Variants in C12orf42 observed in about 807,000 individuals in gnomAD.
The protein encoded by C12orf42 is chromosome 12 open reading frame 42.
Under a neutral mutation model 21.6 loss-of-function variants are expected in C12orf42, and 25 were observed. That is an observed-to-expected ratio of 1.16 (90% CI 0.84 to 1.62). The LOEUF (loss-of-function observed/expected upper bound fraction) is 1.62, where lower values mean the gene tolerates loss of function less well. Among genes scored for constraint, C12orf42 ranks in the 40% most tolerant of loss-of-function variants. The pLI is 0.00. For synonymous variants in C12orf42, 174 were observed against 175.0 expected, an observed-to-expected ratio of 0.99 and a Z score of 0.05; for missense variants, 483 against 459.3, an observed-to-expected ratio of 1.05 and a Z score of -0.47.
chr12:103,148,045 C>A, the C12orf42 span, among the ~76,000 whole-genome samples: 1 of 152,048 alleles, frequency 6.6e-6, no homozygotes, highest in African/African-American at 2.4e-5. Flanking sequence ...AGGACAAGTA[C>A]AGATGGTAGA....
intron 3 of C12orf42, among the ~76,000 whole-genome samples, chr12:103,382,732 T>C (rs1314193877): frequency 6.6e-6 from 1 of 152,226 alleles, no homozygotes; most frequent in Non-Finnish European, 1.5e-5. Context: ...CCCTGCTTCT[T>C]CCTACCTTTC....
At chr12:103,388,298 C>G (rs1248848275) in intron 3 of C12orf42, among the ~76,000 whole-genome samples, 1 of 152,158 alleles carries the variant, frequency 6.6e-6, no homozygotes, top group Admixed American at 6.5e-5. Flanking sequence ...CAGGTCCCAA[C>G]AGACCTCCAG....
the C12orf42 span, among the ~76,000 whole-genome samples, chr12:103,141,098 C>T: frequency 1.3e-5 from 2 of 152,188 alleles, no homozygotes; most frequent in African/African-American, 4.8e-5. Flanking sequence ...ATTTGCCTAG[C>T]AGACTCTCAA....
intron 4 of C12orf42, among the ~76,000 whole-genome samples, chr12:103,321,246 C>CA (rs1238542009): frequency 1.3e-5 from 2 of 150,976 alleles, no homozygotes; most frequent in Non-Finnish European, 2.9e-5. Flanking sequence ...TTTATGCAGC[C>CA]AAAAAACACA....
At chr12:103,210,639 C>CTTTTTTTTTTTTTTTTTTTTTCTTTTTT in the C12orf42 span, among the ~76,000 whole-genome samples, 2 of 77,632 alleles carry the variant, frequency 2.6e-5, no homozygotes, top group African/African-American at 4.5e-5. Flanking sequence ...CCCTCTATTT[C>CTTTTTTTTTTTTTTTTTTTTTCTTTTTT]TTTTTTTTTT....
At chr12:103,303,349 A>C (rs2037936892) in intron 5 of C12orf42, among the ~76,000 whole-genome samples, 1 of 151,990 alleles carries the variant, frequency 6.6e-6, no homozygotes, top group South Asian at 2.1e-4. Context: ...CAAGATTTAT[A>C]TAAATACATA....
At chr12:103,164,460 C>T in the C12orf42 span, 1 of 455,584 alleles carries the variant, frequency 2.2e-6, no homozygotes, top group Non-Finnish European at 4.4e-6. Context: ...CAAATAGGTG[C>T]TGGACGAATG....
chr12:103,407,129 C>A (rs1399751722), intron 2 of C12orf42, among the ~76,000 whole-genome samples: 2 of 152,112 alleles, frequency 1.3e-5, no homozygotes, highest in Non-Finnish European at 2.9e-5. Flanking sequence ...CCAAGGTGAG[C>A]CTTCCTAGTC....
chr12:103,383,255 C>A (rs1462853332), intron 3 of C12orf42, among the ~76,000 whole-genome samples: 1 of 151,948 alleles, frequency 6.6e-6, no homozygotes, highest in Admixed American at 6.6e-5. Flanking sequence ...GTGCCTGCCA[C>A]CATGCTTGGC....
chr12:103,524,376 GCA>G, the C12orf42 span, among the ~76,000 whole-genome samples: 1 of 152,108 alleles, frequency 6.6e-6, no homozygotes, highest in Non-Finnish European at 1.5e-5. Context: ...CTGCCTTGAG[GCA>G]CACAGAGGTG....
intron 5 of C12orf42, among the ~76,000 whole-genome samples, chr12:103,270,763 G>A: frequency 7.5e-6 from 1 of 132,598 alleles, no homozygotes. Flanking sequence ...AGAGTGTGAT[G>A]TTCCCCTTCC....
the C12orf42 span, among the ~76,000 whole-genome samples, chr12:103,128,370 C>T: frequency 8.5e-5 from 13 of 152,306 alleles, no homozygotes; most frequent in South Asian, 1.5e-3. Context: ...CCCACAGAAC[C>T]GGCACCATTA....
intron 4 of C12orf42, among the ~76,000 whole-genome samples, chr12:103,337,376 G>A (rs2041786851): frequency 6.6e-6 from 1 of 152,120 alleles, no homozygotes; most frequent in Non-Finnish European, 1.5e-5. Context: ...GTTTTTGATG[G>A]AATCTCACTC....
intron 5 of C12orf42, among the ~76,000 whole-genome samples, chr12:103,271,358 T>G (rs2035463252): frequency 6.6e-6 from 1 of 152,140 alleles, no homozygotes; most frequent in Non-Finnish European, 1.5e-5. Flanking sequence ...GAAGAGACAA[T>G]CCTTTGAATT....
chr12:103,427,624 G>A (rs766631861), intron 2 of C12orf42, among the ~76,000 whole-genome samples: 1 of 152,068 alleles, frequency 6.6e-6, no homozygotes, highest in Non-Finnish European at 1.5e-5. Context: ...TGGACCAAGT[G>A]GACTTAACAG....
chr12:103,267,907 CA>C (rs2035249037), downstream of C12orf42: 1 of 152,118 alleles, frequency 6.6e-6, no homozygotes, highest in East Asian at 1.9e-4. Context: ...GAAGGAAAAA[CA>C]TAAACTTTAG....
At chr12:103,078,023 C>G in the C12orf42 span, among the ~76,000 whole-genome samples, 1 of 152,158 alleles carries the variant, frequency 6.6e-6, no homozygotes, top group African/African-American at 2.4e-5. Context: ...TAAAGCAGCA[C>G]TGGATTAAGG....
chr12:103,486,781 G>A (rs938731452), intron 1 of C12orf42, among the ~76,000 whole-genome samples: 1 of 152,108 alleles, frequency 6.6e-6, no homozygotes, highest in African/African-American at 2.4e-5. Flanking sequence ...ATAGTAGTTT[G>A]TATTTCTGTG....
chr12:103,545,053 A>G, the C12orf42 span, among the ~76,000 whole-genome samples: 5 of 152,214 alleles, frequency 3.3e-5, no homozygotes, highest in Non-Finnish European at 5.9e-5. Context: ...GGGCTTCAGC[A>G]AGTAGCCTCA....
Sources: allele counts gnomAD v4.1 joint callset (sites outside exome capture counted in the v4.1 genomes callset), GRCh38; gene constraint gnomAD v4.1.1; transcripts MANE v1.5; gene names NCBI Gene and HGNC (gene_info 2026-07-23, HGNC 2026-07-21).